The following WLS variants were observed in gnomAD, a reference collection of about 807,000 sequenced individuals.
WLS encodes protein wntless homolog.
WLS carries 23 observed loss-of-function variants against 62.8 expected under a neutral mutation model. The ratio of observed to expected loss-of-function variants is 0.37; its 90% CI spans 0.26 to 0.52. The LOEUF (loss-of-function observed/expected upper bound fraction) is 0.52. Among genes scored for constraint, WLS ranks in the 20% least tolerant of loss-of-function variants. The pLI, the probability that WLS is intolerant of heterozygous loss-of-function variation, is 0.92. For missense variants in WLS, 615 were observed against 697.3 expected (o/e 0.88, Z 1.33); for synonymous variants, 246 against 244.1 (o/e 1.01, Z -0.07).
chr1:68,121,398 T>C (rs1646362084), downstream of WLS, among the ~76,000 whole-genome samples: 3 of 152,184 alleles, frequency 2.0e-5, no homozygotes, highest in African/African-American at 7.2e-5. Context: ...AGGAAAGGTC[T>C]GGTCTCAATA....
rs538184487 is a variant in WLS, at chr1:68,215,611, C to G, written c.106+16583G>C. ...TACTAAGGAAATAATAAAGGATGTA[C>G]ATAAGAATTTAAATACAAAGAAGAT... On this transcript the variant is annotated intron_variant, in intron 1 of 11. Transcript: ENST00000262348. Among the ~76,000 whole-genome samples the G allele has an allele frequency of 1.3e-4, 20 of 152,100 alleles. No homozygotes were observed. The South Asian group carries it at 4.2e-3, about 32-fold the overall frequency.
At position 68,148,140 on chromosome 1, in the gene WLS, A is replaced by G. The variant is rs780933286; in HGVS notation, c.1130T>C (p.Leu377Pro). The G allele has an allele frequency of 1.9e-6, 3 of 1,614,248 alleles. No individual in the cohort carries two copies. In the Admixed American group the frequency reaches 5.0e-5, roughly 27 times the overall value. Residue 377 changes from leucine to proline, a missense_variant, in exon 8 of 12, where the codon CTG becomes CCG. Coordinates refer to ENST00000262348, the MANE Select transcript of WLS (RefSeq NM_024911.7). ...GAGCCCATCAAGGAAGGATACGGCC[A>G]GCTCTGTTCCAATGTCTGTAGTCCA... is the stretch of plus-strand genomic sequence containing the variant. Reference protein sequence around the residue: ...SIWTTDIGTELAMAFIIVAGI... With the variant: ...SIWTTDIGTEPAMAFIIVAGI...
At chr1:68,157,154 A>G (rs550356238) in intron 3 of WLS, among the ~76,000 whole-genome samples, 35 of 152,280 alleles carry the variant, frequency 2.3e-4, no homozygotes, top group Middle Eastern at 3.4e-3. Context: ...AGTCCTGACC[A>G]TGTTCCTTGC....
At chr1:68,186,495 A>G (rs1647946218) in intron 2 of WLS, 1 of 396,550 alleles carries the variant, frequency 2.5e-6, no homozygotes, top group East Asian at 7.8e-5. Context: ...GACTGCCACG[A>G]AAAGTTAAAA....
At chr1:68,112,443 C>T (rs952950749) in intron 11 of WLS, among the ~76,000 whole-genome samples, 3 of 152,162 alleles carry the variant, frequency 2.0e-5, no homozygotes, top group South Asian at 2.1e-4. Flanking sequence ...GTCCAGCCTC[C>T]ACGGCCTGAC....
chr1:68,196,731 A>G (rs1648683945), intron 1 of WLS, among the ~76,000 whole-genome samples: 1 of 152,178 alleles, frequency 6.6e-6, no homozygotes, highest in South Asian at 2.1e-4. Flanking sequence ...AAGGCTGAAC[A>G]CTGCAATACA....
At position 68,193,988 on chromosome 1, in the gene WLS, G is replaced by A. The variant is rs1013316433; in HGVS notation, c.346C>T (p.Leu116=). Residue 116 remains leucine, a synonymous_variant, in exon 2 of 12, where the codon CTG becomes TTG. Coordinates refer to ENST00000262348, the MANE Select transcript of WLS (RefSeq NM_024911.7). ...TTGTTTAGCTTGAAGGCAATGTCCA[G>A]CTGCAGGATAAACAGCATGAATTGG... ...WFQFMLFILQ[L]DIAFKLNNQI... The A allele has an allele frequency of 1.2e-6, 2 of 1,614,048 alleles. No homozygotes were observed. Among genetic ancestry groups the A allele is most frequent in the Non-Finnish European group, 1.7e-6 (2 of 1,180,012 alleles).
intron 1 of WLS, among the ~76,000 whole-genome samples, chr1:68,226,707 C>T (rs17130598): frequency 2.5e-4 from 38 of 152,212 alleles, no homozygotes; most frequent in East Asian, 1.9e-3. Flanking sequence ...CTTTACCAAC[C>T]CCGTGTCGGC....
At chr1:68,105,829 G>A (rs906596841) in intron 11 of WLS, among the ~76,000 whole-genome samples, 11 of 152,078 alleles carry the variant, frequency 7.2e-5, no homozygotes, top group Admixed American at 2.6e-4. Flanking sequence ...TGTCAGTACC[G>A]TACACCTAAC....
At chr1:68,131,850 G>T (rs1433002925) in intron 11 of WLS, among the ~76,000 whole-genome samples, 1 of 152,196 alleles carries the variant, frequency 6.6e-6, no homozygotes, top group Non-Finnish European at 1.5e-5. Context: ...AAGAAAAGGA[G>T]ATTAGAATAT....
intron 11 of WLS, among the ~76,000 whole-genome samples, chr1:68,134,754 A>G (rs1451517350): frequency 2.0e-5 from 3 of 152,248 alleles, no homozygotes; most frequent in Admixed American, 1.3e-4. Flanking sequence ...CAAGTTTTCC[A>G]TGAAATTACA....
At chr1:68,189,323 A>G (rs145298633) in intron 2 of WLS, among the ~76,000 whole-genome samples, 36 of 151,222 alleles carry the variant, frequency 2.4e-4, no homozygotes, top group Admixed American at 2.1e-3. Context: ...TTCTCAACTT[A>G]AAAGAAAAAA....
In WLS at chr1:68,126,200, C is replaced by G; in HGVS notation, c.*26G>C. 1 of 1,613,202 alleles carries G rather than the reference C, an allele frequency of 6.2e-7. No homozygotes were observed. The highest frequency in any genetic ancestry group is 8.5e-7 in the Non-Finnish European group (1 of 1,179,578). On this transcript the variant is annotated 3_prime_UTR_variant, in exon 12 of 12. Transcript: ENST00000262348. ...TTAGAGGGGCTGGGGTATGGAGAGA[C>G]CGTCCCAGCCGGGCGCTGCAGCCTC...
intron 11 of WLS, chr1:68,098,977 G>A: frequency 1.7e-6 from 1 of 573,382 alleles, no homozygotes; most frequent in Non-Finnish European, 2.8e-6. Flanking sequence ...CTCAATTATT[G>A]TGACAATCAG....
intron 1 of WLS, among the ~76,000 whole-genome samples, chr1:68,214,857 G>A (rs1649664893): frequency 2.0e-5 from 3 of 152,322 alleles, no homozygotes; most frequent in African/African-American, 4.8e-5. Flanking sequence ...TACAGTCATT[G>A]AATTCCACCC....
intron 11 of WLS, among the ~76,000 whole-genome samples, chr1:68,107,054 A>C (rs185415360): frequency 1.3e-5 from 2 of 152,182 alleles, no homozygotes. Context: ...TGATCAAAAT[A>C]ATCCTCATTC....
intron 7 of WLS, 129 bp from the exon 8 acceptor site, chr1:68,148,328 G>T (rs975422103): frequency 1.9e-6 from 2 of 1,049,740 alleles, no homozygotes; most frequent in African/African-American, 3.2e-5. Context: ...AAACATTACA[G>T]AAATCCTAAA....
At chr1:68,169,919 C>T (rs979165071) in intron 2 of WLS, among the ~76,000 whole-genome samples, 1 of 152,154 alleles carries the variant, frequency 6.6e-6, no homozygotes, top group African/African-American at 2.4e-5. Context: ...CCTCTCCAGC[C>T]TTGGAAGATG....
At chr1:68,126,409 A>G in intron 11 of WLS, 74 bp from the exon 12 acceptor site, 1 of 1,582,042 alleles carries the variant, frequency 6.3e-7, no homozygotes, top group South Asian at 1.1e-5. Context: ...CTCATGGACA[A>G]CTGCCCTGAT....
Sources: allele counts gnomAD v4.1 joint callset (sites outside exome capture counted in the v4.1 genomes callset), GRCh38; gene constraint gnomAD v4.1.1; transcripts MANE v1.5; gene names NCBI Gene and HGNC (gene_info 2026-07-23, HGNC 2026-07-21).